The following EVPLL variants were observed in gnomAD, a reference collection of about 807,000 sequenced individuals.
EVPLL encodes the protein envoplakin-like protein.
A neutral mutation model predicts 46.2 loss-of-function variants in EVPLL; 39 were observed. That is an observed-to-expected ratio of 0.84 (90% confidence interval 0.65 to 1.10). The LOEUF is 1.10. Ranked by LOEUF, EVPLL falls within the 50% of genes least tolerant of loss-of-function variation. The pLI is 0.00. For missense variants in EVPLL, 385 were observed against 412.6 expected, an observed-to-expected ratio of 0.93 and a Z score of 0.58; for synonymous variants, 156 against 165.8, an observed-to-expected ratio of 0.94 and a Z score of 0.46.
Position 18,381,861 on chromosome 17 carries a change from AGAG to A in EVPLL, c.346+135_346+137del. The A allele has an allele frequency of 7.0e-7, 1 of 1,421,492 alleles. No individual in the cohort carries two copies. The highest frequency in any genetic ancestry group is 9.6e-7 in the Non-Finnish European group (1 of 1,040,740). The allele number at this position is 1,421,492 out of a possible 1,614,324, so 88.1% of individuals were successfully genotyped here. ...TCAGGGGTCTGGGCAGGGAGACAGC[AGAG>A]GAGACAGTGCAGTCAGGGAAGACTT... On this transcript the variant is annotated intron_variant, in intron 4 of 10. Coordinates refer to ENST00000399134, the MANE Select transcript of EVPLL (RefSeq NM_001145127.2). This position sits in a 1 kb window ranked among gnomAD's most constrained non-coding sequence, Gnocchi z 4.2.
chr17:18,383,417 T>C (rs1213087307), intron 8 of EVPLL, 39 bp downstream of exon 8: 4 of 179,658 alleles, frequency 2.2e-5, no homozygotes, highest in East Asian at 2.7e-4. Flanking sequence ...AGGGACGTGG[T>C]GGGCGGGGAA....
chr17:18,378,775 CTG>C (rs1987465722), intron 1 of EVPLL, among the ~76,000 whole-genome samples: 1 of 150,224 alleles, frequency 6.7e-6, no homozygotes, highest in Non-Finnish European at 1.5e-5. Context: ...GACTGTGACT[CTG>C]TCTTTAAAAA....
At position 18,383,164 on chromosome 17, in the gene EVPLL, G is replaced by C. The variant is rs574420864; in HGVS notation, c.651G>C (p.Ala217=). ...QDWSDLMADP[A]GVRREYEHFK... is the part of the protein sequence containing the mutation. ...GGAGCGACCTCATGGCCGACCCTGCGGGCGTGCGGCGGGAATACGAGGTCG... is the reference window on the plus strand; with the variant it reads ...GGAGCGACCTCATGGCCGACCCTGCCGGCGTGCGGCGGGAATACGAGGTCG... The change falls in exon 7 of 11, where the codon GCG becomes GCC. Residue 217 remains alanine, a synonymous_variant. Transcript: ENST00000399134. 3 of 1,551,174 alleles carry C rather than the reference G, an allele frequency of 1.9e-6. No homozygotes were observed. Among genetic ancestry groups the C allele is most frequent in the East Asian group, 2.4e-5 (1 of 41,614 alleles).
At position 18,389,635 on chromosome 17, in the gene EVPLL, C is replaced by T. The variant is rs1487120674; in HGVS notation, c.*819C>T. ...ATGCAAATGATATGTAAATAAAGCT[C>T]AATTTTTTGAAACTTCATGCCTTTT... On this transcript the variant is annotated 3_prime_UTR_variant, in exon 11 of 11. Transcript: ENST00000399134. The T allele has an allele frequency of 7.5e-6, 1 of 132,710 alleles. No individual in the cohort carries two copies. The highest frequency in any genetic ancestry group is 1.6e-5 in the Non-Finnish European group (1 of 61,562). The allele number at this position is 132,710 out of a possible 1,614,324, so 8.2% of individuals were successfully genotyped here. A position where few individuals can be genotyped will look rare whatever the true frequency, so the allele number is the denominator to read the frequency against.
Position 18,377,815 on chromosome 17 carries a change from G to A in EVPLL, c.-205G>A. ...TGACCAGCCAGCAAGGACGCCCGCT[G>A]CCTCCCACCTGCCCTCCTGCCCTCC... On this transcript the variant is annotated 5_prime_UTR_variant, in exon 1 of 11. Coordinates refer to ENST00000399134, the MANE Select transcript of EVPLL (RefSeq NM_001145127.2). 1 of 627,880 alleles carries A rather than the reference G, an allele frequency of 1.6e-6. No individual in the cohort carries two copies. The allele number at this position is 627,880 out of a possible 1,614,324, so 38.9% of individuals were successfully genotyped here.
At position 18,383,515 on chromosome 17, in the gene EVPLL, G is replaced by A; in HGVS notation, c.804G>A (p.Met268Ile). The A allele has an allele frequency of 6.3e-7, 1 of 1,585,248 alleles. No individual in the cohort carries two copies. The highest frequency in any genetic ancestry group is 1.2e-5 in the South Asian group (1 of 86,532). The change falls in exon 9 of 11, where the codon ATG (methionine) becomes ATA (isoleucine). Residue 268 changes from methionine to isoleucine, a missense_variant. Physicochemically the swap from Met to Ile is conservative, Grantham distance 10. Transcript: ENST00000399134. ...PIQAHQEALK[M>I]EWQNFLNLCI... ...AGGCCCACCAGGAGGCCCTGAAGATGGAGTGGCAGAACTTCCTGAACCTGT... is the reference window on the plus strand; with the variant it reads ...AGGCCCACCAGGAGGCCCTGAAGATAGAGTGGCAGAACTTCCTGAACCTGT...
chr17:18,381,485 G>A lies in EVPLL; in HGVS notation c.182G>A (p.Arg61Gln), dbSNP rs1229505806. The A allele has an allele frequency of 2.8e-5, 45 of 1,613,792 alleles. No homozygotes were observed. Among genetic ancestry groups the A allele is most frequent in the Non-Finnish European group, 3.6e-5 (43 of 1,179,982 alleles). ...DLFLDVDKAR[R>Q]LKHPQAEETE... ...TTCCTGGACGTGGACAAGGCCCGGCGGCTCAAGCACCCGCAGGCTGAGGAG... is the reference window on the plus strand; with the variant it reads ...TTCCTGGACGTGGACAAGGCCCGGCAGCTCAAGCACCCGCAGGCTGAGGAG... Residue 61 changes from arginine (R) to glutamine (Q), a missense_variant, in exon 3 of 11, where the codon CGG becomes CAG. By Grantham distance (43) the Arg-to-Gln change is conservative. Transcript: ENST00000399134. The surrounding 1 kb of genome is among the most constrained non-coding windows in gnomAD (Gnocchi z 4.2).
At chr17:18,386,531 C>G (rs1326280639) in intron 9 of EVPLL, 1 of 152,186 alleles carries the variant, frequency 6.6e-6, no homozygotes, top group Non-Finnish European at 1.5e-5. Context: ...CCAGTCCACA[C>G]GGCCAATGGT....
intron 1 of EVPLL, 106 bp downstream of exon 1, chr17:18,378,089 G>A (rs1477935636): frequency 1.0e-5 from 4 of 391,708 alleles, no homozygotes; most frequent in East Asian, 4.9e-5. Context: ...GACCAGCCCC[G>A]TGCTGGCATT....
In EVPLL at chr17:18,381,549, G is replaced by T. The variant is rs1235359003; in HGVS notation, c.218+28G>T. ...GAGTGGGGCTGCGGCAGGGCTGGGGGTCCCTGGGGAAGACCCAGGCCCAGC... is the reference window on the plus strand; with the variant it reads ...GAGTGGGGCTGCGGCAGGGCTGGGGTTCCCTGGGGAAGACCCAGGCCCAGC... On this transcript the variant is annotated intron_variant, in intron 3 of 10. Coordinates refer to ENST00000399134, the MANE Select transcript of EVPLL (RefSeq NM_001145127.2). The surrounding 1 kb of genome is among the most constrained non-coding windows in gnomAD (Gnocchi z 4.2). The T allele has an allele frequency of 1.8e-5, 29 of 1,613,212 alleles. No individual in the cohort carries two copies. Among genetic ancestry groups the T allele is most frequent in the African/African-American group, 2.7e-5 (2 of 74,928 alleles).
rs1987547035 is a variant in EVPLL at position 18,380,974 on chromosome 17, C to T, written c.37C>T (p.Leu13=). ...CGCCGACCAGGTGGAGCGGGACATC[C>T]TGGAGACGCAGAAGAGGCTGCAGCA... is the stretch of plus-strand genomic sequence containing the variant. The part of the protein sequence containing the change: ...ASADQVERDI[L]ETQKRLQQDR... The change falls in exon 2 of 11, where the codon CTG becomes TTG. Residue 13 remains leucine (L), a synonymous_variant. Transcript: ENST00000399134. 1 of 1,596,838 alleles carries T rather than the reference C, an allele frequency of 6.3e-7. No homozygotes were observed. The highest frequency in any genetic ancestry group is 1.3e-5 in the African/African-American group (1 of 74,582).
intron 9 of EVPLL, among the ~76,000 whole-genome samples, chr17:18,386,149 T>C (rs968957133): frequency 1.3e-5 from 2 of 152,100 alleles, no homozygotes; most frequent in African/African-American, 4.8e-5. Context: ...TCCAGGGCGG[T>C]GCGGGAAGGC....
intron 5 of EVPLL, 23 bp from the exon 6 acceptor site, chr17:18,382,803 G>A (rs752087477): frequency 6.2e-7 from 1 of 1,611,736 alleles, no homozygotes; most frequent in Admixed American, 1.7e-5. Flanking sequence ...TCACGGGCTT[G>A]TTTCTCCCCT....
chr17:18,383,289 C>T lies in EVPLL; in HGVS notation c.691C>T (p.Leu231=), dbSNP rs200169911. Residue 231 remains leucine, a synonymous_variant, in exon 8 of 11, where the codon CTG becomes TTG. Transcript: ENST00000399134. The part of the protein sequence containing the change: ...REYEHFKQHE[L]LSQEQSVNQL... ...CCCCCAGCACTTCAAGCAGCACGAG[C>T]TGCTGAGCCAGGAGCAGAGCGTAAA... The T allele has an allele frequency of 9.8e-5, 156 of 1,595,526 alleles. 1 individual carries two copies. The African/African-American group carries it at 1.9e-3, about 20-fold the overall frequency.
intron 1 of EVPLL, chr17:18,380,522 C>T (rs1031088454): frequency 9.9e-5 from 19 of 191,018 alleles, no homozygotes; most frequent in African/African-American, 4.4e-4. Flanking sequence ...CCCCAGCCAG[C>T]CCAACTGCCC....
At chr17:18,378,449 T>C (rs1987453441) in intron 1 of EVPLL, among the ~76,000 whole-genome samples, 1 of 152,080 alleles carries the variant, frequency 6.6e-6, no homozygotes. Context: ...ATGCAGGGGC[T>C]GTGCTGCCTC....
At chr17:18,379,651 T>C (rs1987494600) in intron 1 of EVPLL, among the ~76,000 whole-genome samples, 1 of 152,212 alleles carries the variant, frequency 6.6e-6, no homozygotes, top group African/African-American at 2.4e-5. Flanking sequence ...TCCACTCGTT[T>C]GACATGAACT....
intron 9 of EVPLL, 181 bp from the exon 10 acceptor site, chr17:18,388,038 A>ATGTACATATATATATATG (rs1188758510): frequency 1.6e-5 from 2 of 122,338 alleles, no homozygotes; most frequent in East Asian, 2.7e-4. Context: ...ATATATATAT[A>ATGTACATATATATATATG]TATACATATA....
Position 18,383,069 on chromosome 17 carries a change from G to GC in EVPLL, c.557dup (p.Leu187ThrfsTer202). The GC allele has an allele frequency of 6.4e-7, 1 of 1,557,300 alleles. No individual in the cohort carries two copies. Among genetic ancestry groups the GC allele is most frequent in the Non-Finnish European group, 8.6e-7 (1 of 1,158,182 alleles). Reference sequence around the variant, plus strand: ...GGCAGAGCCTGGGCAGCCTGTACACGCACTGCAGGGCTGCACGTGGCAGCT... The same window carrying GC: ...GGCAGAGCCTGGGCAGCCTGTACACGCCACTGCAGGGCTGCACGTGGCAGCT... On this transcript the variant is annotated frameshift_variant, in exon 7 of 11. Transcript: ENST00000399134. LOFTEE classifies it high-confidence loss of function.
Sources: gnomAD v4.1 joint callset for allele counts (sites outside exome capture counted in the v4.1 genomes callset) on GRCh38, gnomAD v4.1.1 for gene constraint, Gnocchi (gnomAD v3.1) non-coding constraint, MANE v1.5 for transcripts, NCBI Gene and HGNC (gene_info 2026-07-23, HGNC 2026-07-21) for gene names.